Variants in NR3C1 observed in about 807,000 individuals in gnomAD.
NR3C1 encodes nuclear receptor subfamily 3 group C member 1, also known as glucocorticoid receptor.
NR3C1 carries 14 observed loss-of-function variants against 74.0 expected under a neutral mutation model. The ratio of observed to expected loss-of-function variants is 0.19; its 90% CI spans 0.12 to 0.30. The LOEUF (loss-of-function observed/expected upper bound fraction) is 0.30. Ranked by LOEUF, NR3C1 falls within the 10% of genes least tolerant of loss-of-function variation. The pLI, the probability that NR3C1 is intolerant of heterozygous loss-of-function variation, is 1.00. For missense variants in NR3C1, 695 were observed against 909.8 expected (o/e 0.76, Z 3.04); for synonymous variants, 308 against 332.5 (o/e 0.93, Z 0.80).
intron 4 of NR3C1, among the ~76,000 whole-genome samples, chr5:143,306,873 AATT>A (rs2151585914): frequency 7.5e-6 from 1 of 134,092 alleles, no homozygotes; most frequent in African/African-American, 2.9e-5. Flanking sequence ...TGTATGCTTA[AATT>A]TTTTTTTTTT....
At chr5:143,367,875 T>C (rs1227724063) in intron 2 of NR3C1, among the ~76,000 whole-genome samples, 5 of 152,216 alleles carry the variant, frequency 3.3e-5, no homozygotes, top group African/African-American at 1.2e-4. Context: ...GCCTCTTTTT[T>C]TCTTCCAGAA....
chr5:143,381,691 C>T (rs758949539), intron 2 of NR3C1, among the ~76,000 whole-genome samples: 78 of 152,102 alleles, frequency 5.1e-4, no homozygotes, highest in Admixed American at 2.6e-3. Context: ...AAAGGACAGT[C>T]TCTTCAATAA....
intron 2 of NR3C1, among the ~76,000 whole-genome samples, chr5:143,345,350 C>T (rs963533910): frequency 1.3e-5 from 2 of 152,200 alleles, no homozygotes; most frequent in Non-Finnish European, 2.9e-5. Context: ...GCTGGGATTA[C>T]AGGTGTGTAC....
At chr5:143,429,094 G>T (rs181486453) in intron 1 of NR3C1, among the ~76,000 whole-genome samples, 127 of 152,258 alleles carry the variant, frequency 8.3e-4, no homozygotes, top group Middle Eastern at 3.4e-3. Context: ...TAAATTCACT[G>T]CTTAATAATA....
chr5:143,332,694 A>G (rs1826236479), intron 2 of NR3C1: 1 of 1,574,396 alleles, frequency 6.4e-7, no homozygotes, highest in Non-Finnish European at 8.6e-7. Flanking sequence ...GAAACGTGAC[A>G]AGGTGCGTCT....
chr5:143,298,536 G>T, intron 6 of NR3C1, 132 bp downstream of exon 6: 1 of 928,614 alleles, frequency 1.1e-6, no homozygotes, highest in Non-Finnish European at 1.7e-6. Context: ...TCTATTTCCA[G>T]TTTGCCTAGA....
chr5:143,290,496 C>A (rs1815632736), intron 7 of NR3C1, among the ~76,000 whole-genome samples: 1 of 152,152 alleles, frequency 6.6e-6, no homozygotes. Flanking sequence ...TCAGATATAG[C>A]TTTTTTTAAA....
At chr5:143,355,821 C>A (rs1428715623) in intron 2 of NR3C1, among the ~76,000 whole-genome samples, 1 of 152,056 alleles carries the variant, frequency 6.6e-6, no homozygotes, top group African/African-American at 2.4e-5. Flanking sequence ...ATAATTAGTA[C>A]AGTTGTGCCT....
chr5:143,325,945 G>T (rs10482656), intron 2 of NR3C1, among the ~76,000 whole-genome samples: 44 of 152,236 alleles, frequency 2.9e-4, no homozygotes, highest in African/African-American at 1.0e-3. Context: ...ACTGAAAAAA[G>T]TTTTCAGTAG....
upstream of NR3C1, among the ~76,000 whole-genome samples, chr5:143,404,913 G>T (rs994379313): frequency 2.6e-5 from 4 of 152,092 alleles, no homozygotes; most frequent in African/African-American, 7.2e-5. Flanking sequence ...TAGGACCCCT[G>T]CCCCTACAAA....
intron 2 of NR3C1, among the ~76,000 whole-genome samples, chr5:143,346,391 G>C (rs1313474571): frequency 6.6e-6 from 1 of 152,194 alleles, no homozygotes; most frequent in Non-Finnish European, 1.5e-5. Flanking sequence ...TCCAGAAGAG[G>C]AGATGTAACA....
At chr5:143,396,708 C>A (rs1052487327) in intron 2 of NR3C1, among the ~76,000 whole-genome samples, 1 of 151,690 alleles carries the variant, frequency 6.6e-6, no homozygotes, top group Non-Finnish European at 1.5e-5. Context: ...TTAGACTCTG[C>A]CGAAAACTGA....
chr5:143,393,755 T>C (rs1159336090), intron 2 of NR3C1, among the ~76,000 whole-genome samples: 1 of 152,084 alleles, frequency 6.6e-6, no homozygotes, highest in East Asian at 1.9e-4. Flanking sequence ...ATAAATCATG[T>C]AGTGAATTGT....
intron 2 of NR3C1, among the ~76,000 whole-genome samples, chr5:143,327,490 A>G (rs1401413114): frequency 6.6e-6 from 1 of 152,204 alleles, no homozygotes; most frequent in Non-Finnish European, 1.5e-5. Context: ...ACAGTCCCCC[A>G]AAGTCTTATT....
At chr5:143,355,947 A>G (rs1376624629) in intron 2 of NR3C1, among the ~76,000 whole-genome samples, 5 of 152,328 alleles carry the variant, frequency 3.3e-5, no homozygotes, top group South Asian at 2.1e-4. Context: ...ATTTACAGTA[A>G]GTTGTTTACT....
chr5:143,358,697 T>A (rs1405023408), intron 2 of NR3C1, among the ~76,000 whole-genome samples: 6 of 151,478 alleles, frequency 4.0e-5, no homozygotes, highest in Non-Finnish European at 5.9e-5. Flanking sequence ...AGGTCAGGAG[T>A]TCGAGACCAG....
Position 143,400,209 on chromosome 5 carries a change from T to C in NR3C1, c.631A>G (p.Ser211Gly), listed in dbSNP as rs886060061. 9.3e-6 allele frequency: 15 copies of C among 1,606,442 alleles called. No homozygotes were observed. Among genetic ancestry groups the C allele is most frequent in the Non-Finnish European group, 1.3e-5 (15 of 1,177,000 alleles). Reference protein sequence around the residue: ...SGSPGKETNESPWRSDLLIDE... With the variant: ...SGSPGKETNEGPWRSDLLIDE... ...ATCAACAGGTCTGATCTCCAAGGAC[T>C]CTCATTCGTCTCTTTACCTGGGGAC... The change falls in exon 2 of 9, where the codon AGT becomes GGT. Residue 211 changes from serine to glycine, a missense_variant. Coordinates refer to ENST00000394464, the MANE Select transcript of NR3C1 (RefSeq NM_000176.3).
intron 2 of NR3C1, among the ~76,000 whole-genome samples, chr5:143,316,715 A>C (rs192762242): frequency 1.3e-5 from 2 of 152,300 alleles, no homozygotes; most frequent in East Asian, 3.9e-4. Flanking sequence ...TGTGTTGTGA[A>C]AATAAGGTAA....
intron 7 of NR3C1, chr5:143,293,864 CTTTTTTTTTTT>C: frequency 1.2e-6 from 1 of 810,904 alleles, no homozygotes; most frequent in South Asian, 5.7e-5. Context: ...TGAAACCATT[CTTTTTTTTTTT>C]TTTTTAAACA....
Sources: allele counts gnomAD v4.1 joint callset (sites outside exome capture counted in the v4.1 genomes callset), GRCh38; gene constraint gnomAD v4.1.1; transcripts MANE v1.5; gene names NCBI Gene and HGNC (gene_info 2026-07-23, HGNC 2026-07-21).